Variants in CA10 observed in about 807,000 individuals in gnomAD.
CA10 encodes carbonic anhydrase-related protein 10.
CA10 carries 14 observed loss-of-function variants against 44.2 expected under a neutral mutation model. That is an observed-to-expected ratio of 0.32 (90% confidence interval 0.21 to 0.50). The LOEUF (loss-of-function observed/expected upper bound fraction) is 0.50, where lower values mean the gene tolerates loss of function less well. Among genes scored for constraint, CA10 ranks in the 20% least tolerant of loss-of-function variants. The pLI, the probability that CA10 is intolerant of heterozygous loss-of-function variation, is 0.99. For synonymous variants in CA10, 159 were observed against 141.6 expected (o/e 1.12, Z -0.87); for missense variants, 350 against 409.7 (o/e 0.85, Z 1.26).
intron 3 of CA10, among the ~76,000 whole-genome samples, chr17:51,872,439 A>G (rs976102460): frequency 1.3e-5 from 2 of 152,182 alleles, no homozygotes; most frequent in Non-Finnish European, 1.5e-5. Flanking sequence ...TTCTTCAGAA[A>G]TTATCAGCCC....
At chr17:51,913,287 G>C (rs537313668) in intron 3 of CA10, among the ~76,000 whole-genome samples, 3 of 152,168 alleles carry the variant, frequency 2.0e-5, no homozygotes, top group Non-Finnish European at 4.4e-5. Context: ...AAGCAGGGGG[G>C]AGGAAATGCA....
intron 3 of CA10, among the ~76,000 whole-genome samples, chr17:51,924,042 T>C (rs558488694): frequency 6.6e-6 from 1 of 152,302 alleles, no homozygotes; most frequent in South Asian, 2.1e-4. Flanking sequence ...AGGAAAGCGA[T>C]ATTAATATTA....
At chr17:51,780,668 A>C (rs1397499702) in intron 3 of CA10, among the ~76,000 whole-genome samples, 1 of 152,230 alleles carries the variant, frequency 6.6e-6, no homozygotes, top group Admixed American at 6.5e-5. Flanking sequence ...GAGCAGTGGC[A>C]ACTCAAGAGA....
At chr17:52,036,340 G>C (rs1164813655) in intron 2 of CA10, among the ~76,000 whole-genome samples, 2 of 152,150 alleles carry the variant, frequency 1.3e-5, no homozygotes, top group East Asian at 3.9e-4. Context: ...GCTGTGCTAG[G>C]CTCTGGGTAT....
At chr17:51,919,639 G>A (rs1224571658) in intron 3 of CA10, among the ~76,000 whole-genome samples, 1 of 151,926 alleles carries the variant, frequency 6.6e-6, no homozygotes. Context: ...CCTGTTAGTT[G>A]TTCTCTTTGT....
chr17:51,812,360 T>C (rs538754826), intron 3 of CA10, among the ~76,000 whole-genome samples: 5 of 152,360 alleles, frequency 3.3e-5, no homozygotes, highest in Admixed American at 1.3e-4. Flanking sequence ...TAGCATAAAA[T>C]GGTGTCCTAC....
intron 5 of CA10, among the ~76,000 whole-genome samples, chr17:51,649,974 C>T: frequency 9.3e-6 from 1 of 107,372 alleles, no homozygotes; most frequent in East Asian, 2.3e-4. Context: ...TCCATCCATC[C>T]AGCCAGCCAG....
chr17:51,925,638 A>C (rs146070361), intron 3 of CA10, among the ~76,000 whole-genome samples: 136 of 152,250 alleles, frequency 8.9e-4, no homozygotes, highest in African/African-American at 3.2e-3. Flanking sequence ...TTGTATACCA[A>C]TTTTCATTGC....
chr17:51,720,066 G>T (rs555597346), intron 4 of CA10, among the ~76,000 whole-genome samples: 1 of 152,074 alleles, frequency 6.6e-6, no homozygotes, highest in South Asian at 2.1e-4. Flanking sequence ...AATAATTGTG[G>T]TATAATAAGA....
chr17:52,049,356 T>TC (rs2143036290), intron 2 of CA10, among the ~76,000 whole-genome samples: 1 of 152,212 alleles, frequency 6.6e-6, no homozygotes, highest in East Asian at 1.9e-4. Flanking sequence ...ACATGCCTCC[T>TC]CTCATAAAAT....
At chr17:51,849,233 GTATATATATATATA>G (rs1217693250) in intron 3 of CA10, among the ~76,000 whole-genome samples, 1,385 of 39,908 alleles carry the variant, frequency 0.035, 63 homozygotes, top group African/African-American at 0.091. Flanking sequence ...ATATGTGTGT[GTATATATATATATA>G]TATATATATA....
chr17:51,878,395 G>A (rs757696761), intron 3 of CA10, among the ~76,000 whole-genome samples: 6 of 152,016 alleles, frequency 3.9e-5, no homozygotes, highest in Non-Finnish European at 5.9e-5. Context: ...TTGGCAAGAC[G>A]CAGAAAAACT....
intron 2 of CA10, among the ~76,000 whole-genome samples, chr17:52,061,052 T>C (rs1415932421): frequency 1.3e-5 from 2 of 152,084 alleles, no homozygotes; most frequent in African/African-American, 2.4e-5. Flanking sequence ...ATAATGTAAG[T>C]ATGAAAAAAA....
intron 2 of CA10, among the ~76,000 whole-genome samples, chr17:52,028,979 A>G (rs913513618): frequency 1.3e-5 from 2 of 152,220 alleles, no homozygotes; most frequent in African/African-American, 4.8e-5. Flanking sequence ...TCCCTTTCCA[A>G]CATTATTCCT....
chr17:52,154,505 A>G (rs1989764445), intron 1 of CA10, among the ~76,000 whole-genome samples: 1 of 152,142 alleles, frequency 6.6e-6, no homozygotes. Context: ...TGACCAAGAA[A>G]TTTCTCTCCT....
chr17:51,745,111 G>A (rs944344880), intron 4 of CA10, among the ~76,000 whole-genome samples: 2 of 152,146 alleles, frequency 1.3e-5, no homozygotes, highest in African/African-American at 2.4e-5. Flanking sequence ...AGTCTAGATA[G>A]CATCCCAGCC....
intron 3 of CA10, among the ~76,000 whole-genome samples, chr17:51,783,951 T>TG (rs1300043237): frequency 5.3e-5 from 8 of 152,108 alleles, no homozygotes; most frequent in Admixed American, 6.5e-5. Flanking sequence ...CTTTAGAATC[T>TG]GCCTACTGGG....
At chr17:52,139,694 C>CAAATCTT (rs1989435512) in intron 1 of CA10, among the ~76,000 whole-genome samples, 3 of 152,100 alleles carry the variant, frequency 2.0e-5, no homozygotes, top group Admixed American at 6.5e-5. Context: ...ACTCTGGATT[C>CAAATCTT]AGACAGGTCC....
intron 1 of CA10, among the ~76,000 whole-genome samples, chr17:52,148,796 A>G (rs533768636): frequency 9.1e-4 from 139 of 152,314 alleles, no homozygotes; most frequent in Non-Finnish European, 1.4e-3. Context: ...CACTACACAC[A>G]TTTTATAGGG....
Sources: allele counts gnomAD v4.1 joint callset (sites outside exome capture counted in the v4.1 genomes callset), GRCh38; gene constraint gnomAD v4.1.1; transcripts MANE v1.5; gene names NCBI Gene and HGNC (gene_info 2026-07-23, HGNC 2026-07-21).